OLFM3: variants seen among roughly 807,000 people sequenced by gnomAD.
OLFM3 encodes the protein olfactomedin 3.
In OLFM3, 20 loss-of-function variants were observed where a neutral mutation model predicts 48.6. The observed-to-expected ratio is 0.41, with a 90% CI of 0.29 to 0.60. The LOEUF (loss-of-function observed/expected upper bound fraction) is 0.60, where lower values mean the gene tolerates loss of function less well. Among genes scored for constraint, OLFM3 ranks in the 20% least tolerant of loss-of-function variants. OLFM3 has a pLI of 0.28. For missense variants in OLFM3, 437 were observed against 544.3 expected, an observed-to-expected ratio of 0.80 and a Z score of 1.96; for synonymous variants, 222 against 198.1, an observed-to-expected ratio of 1.12 and a Z score of -1.01.
intron 1 of OLFM3, among the ~76,000 whole-genome samples, chr1:101,988,161 T>C (rs1026029041): frequency 2.0e-5 from 3 of 152,068 alleles, no homozygotes; most frequent in African/African-American, 7.2e-5. Context: ...TAAAAAGAGT[T>C]GGAAAAATAT....
At chr1:101,974,009 C>CT (rs5776614) in intron 1 of OLFM3, among the ~76,000 whole-genome samples, 36,752 of 147,842 alleles carry the variant, frequency 0.25, 4,983 homozygotes, top group Middle Eastern at 0.36. Flanking sequence ...GTTCATTTGC[C>CT]TTTTTTTTTT....
intron 1 of OLFM3, among the ~76,000 whole-genome samples, chr1:101,934,396 G>T (rs149712165): frequency 0.011 from 1,620 of 152,198 alleles, 32 homozygotes; most frequent in African/African-American, 0.037. Context: ...ATTGTAAGGG[G>T]TTCAATTCAA....
intron 1 of OLFM3, among the ~76,000 whole-genome samples, chr1:101,916,441 G>T (rs942277437): frequency 6.6e-5 from 10 of 151,282 alleles, no homozygotes; most frequent in Admixed American, 4.6e-4. Context: ...ACCTGGAAAT[G>T]ATCTAAGACA....
chr1:101,953,265 C>T (rs1008470735), intron 1 of OLFM3, among the ~76,000 whole-genome samples: 4 of 151,976 alleles, frequency 2.6e-5, no homozygotes, highest in African/African-American at 9.7e-5. Context: ...ACTCTAGGAC[C>T]GAGATGGCAA....
intron 1 of OLFM3, among the ~76,000 whole-genome samples, chr1:101,950,374 C>T (rs1362021295): frequency 6.6e-6 from 1 of 152,084 alleles, no homozygotes; most frequent in African/African-American, 2.4e-5. Context: ...ACCCTTTATC[C>T]CTTGATGTAG....
chr1:101,879,288 T>C (rs1181657177), intron 1 of OLFM3, among the ~76,000 whole-genome samples: 1 of 151,898 alleles, frequency 6.6e-6, no homozygotes, highest in Non-Finnish European at 1.5e-5. Context: ...GACTACACAG[T>C]ATAGTTTGAA....
At chr1:101,958,180 A>C (rs1660355638) in intron 1 of OLFM3, among the ~76,000 whole-genome samples, 1 of 152,086 alleles carries the variant, frequency 6.6e-6, no homozygotes, top group African/African-American at 2.4e-5. Context: ...TATATGCTTT[A>C]CTCAGTACTG....
At chr1:101,909,441 A>T (rs1252967812) in intron 1 of OLFM3, among the ~76,000 whole-genome samples, 1 of 152,214 alleles carries the variant, frequency 6.6e-6, no homozygotes, top group African/African-American at 2.4e-5. Context: ...TTCATCATGT[A>T]AATTGGGGGA....
chr1:101,853,703 G>A (rs538607946), intron 1 of OLFM3, among the ~76,000 whole-genome samples: 1 of 152,218 alleles, frequency 6.6e-6, no homozygotes, highest in South Asian at 2.1e-4. Context: ...TGAATATACA[G>A]TACAGCTTAT....
intron 1 of OLFM3, among the ~76,000 whole-genome samples, chr1:101,902,275 A>G (rs1658412525): frequency 6.6e-6 from 1 of 152,074 alleles, no homozygotes; most frequent in Non-Finnish European, 1.5e-5. Context: ...ATTCGATAGA[A>G]TAAGTCCACA....
chr1:101,890,556 CAAT>C (rs1164877881), intron 1 of OLFM3, among the ~76,000 whole-genome samples: 5 of 151,964 alleles, frequency 3.3e-5, no homozygotes, highest in Admixed American at 6.6e-5. Flanking sequence ...GAAAATATCA[CAAT>C]GAGTCAGGAA....
rs991205467 is a variant in OLFM3 at position 101,863,659 on chromosome 1, T to C, written c.70-26634A>G. On this transcript the variant is annotated intron_variant, in intron 1 of 5. Transcript: ENST00000370103. ...AAAAATATCAATATATTTTCCCTTATAGAATTAGGAAAATTATCACAATTT... is the reference window on the plus strand; with the variant it reads ...AAAAATATCAATATATTTTCCCTTACAGAATTAGGAAAATTATCACAATTT... Among the ~76,000 whole-genome samples the C allele has an allele frequency of 3.9e-5, 6 of 152,168 alleles. No individual in the cohort carries two copies. The East Asian group carries it at 7.7e-4, about 20-fold the overall frequency.
chr1:101,806,102 G>T lies in OLFM3; in HGVS notation c.673C>A (p.Pro225Thr). 1.2e-6 allele frequency: 2 copies of T among 1,611,764 alleles called. No individual in the cohort carries two copies. The highest frequency in any genetic ancestry group is 1.7e-6 in the Non-Finnish European group (2 of 1,178,538). The stretch of plus-strand genomic sequence containing the variant: ...CTGTTGTTTTTCTCAGATGCTAAAG[G>T]GTCTGTCATCCAAGCACCAAATCGG... The part of the protein sequence containing the change: ...GTRFGAWMTD[P>T]LASEKNNRVW... Residue 225 changes from proline to threonine, a missense_variant, in exon 5 of 6, where the codon CCT (proline) becomes ACT (threonine). Physicochemically the swap from Pro to Thr is conservative, Grantham distance 38. Around this residue, in one of 3 missense-constraint regions of OLFM3, gnomAD observed 314 missense variants for 365.5 expected, o/e 0.86. Coordinates refer to ENST00000370103, the MANE Select transcript of OLFM3 (RefSeq NM_058170.4).
intron 1 of OLFM3, among the ~76,000 whole-genome samples, chr1:101,951,070 G>A (rs1660131880): frequency 6.6e-6 from 1 of 152,164 alleles, no homozygotes; most frequent in African/African-American, 2.4e-5. Flanking sequence ...AAATCTTAAT[G>A]AATGATTTAT....
In OLFM3 at chr1:101,802,954, A is replaced by T. The variant is rs970072253; in HGVS notation, c.*1284T>A. On this transcript the variant is annotated 3_prime_UTR_variant, in exon 6 of 6. Coordinates refer to ENST00000370103, the MANE Select transcript of OLFM3 (RefSeq NM_058170.4). Reference sequence around the variant, plus strand: ...AGAGTTATTAACATAAGTATTATTAAAGCTCTTCCCTTTTGGTTACATTAT... The same window carrying T: ...AGAGTTATTAACATAAGTATTATTATAGCTCTTCCCTTTTGGTTACATTAT... 6.6e-6 allele frequency: 1 copy of T among 151,652 alleles called. No individual in the cohort carries two copies. The highest frequency in any genetic ancestry group is 1.9e-4 in the East Asian group (1 of 5,158). The allele number at this position is 151,652 out of a possible 1,614,324, so 9.4% of individuals were successfully genotyped here.
intron 1 of OLFM3, among the ~76,000 whole-genome samples, chr1:101,843,767 G>C (rs940415254): frequency 6.6e-6 from 1 of 152,042 alleles, no homozygotes; most frequent in African/African-American, 2.4e-5. Context: ...TATTTTTCCT[G>C]GTTTTCTTTT....
chr1:101,863,270 G>A (rs1243809988), intron 1 of OLFM3, among the ~76,000 whole-genome samples: 2 of 152,156 alleles, frequency 1.3e-5, no homozygotes, highest in East Asian at 3.9e-4. Flanking sequence ...CAGTGTGCCT[G>A]GCCAGTAGCT....
At chr1:101,976,295 T>C (rs528827012) in intron 1 of OLFM3, among the ~76,000 whole-genome samples, 5 of 152,340 alleles carry the variant, frequency 3.3e-5, no homozygotes, top group Admixed American at 6.5e-5. Context: ...GACCTGGTAT[T>C]ATCAGTAGCT....
intron 1 of OLFM3, among the ~76,000 whole-genome samples, chr1:101,861,913 A>T (rs1385113359): frequency 1.3e-5 from 2 of 152,230 alleles, no homozygotes; most frequent in African/African-American, 4.8e-5. Flanking sequence ...TTGTTGTATG[A>T]AGGGAGATTG....
Sources: allele counts gnomAD v4.1 joint callset (sites outside exome capture counted in the v4.1 genomes callset), GRCh38; gene constraint gnomAD v4.1.1; regional missense constraint gnomAD v4.1.1; transcripts MANE v1.5; gene names NCBI Gene and HGNC (gene_info 2026-07-23, HGNC 2026-07-21).